Variants in STARD9 observed in about 807,000 individuals in gnomAD.
STARD9 encodes the protein stAR-related lipid transfer protein 9.
STARD9 carries 346 observed loss-of-function variants against 399.8 expected under a neutral mutation model. That is an observed-to-expected ratio of 0.87 (90% CI 0.79 to 0.95). The LOEUF (loss-of-function observed/expected upper bound fraction) is 0.95, where lower values mean the gene tolerates loss of function less well. Among genes scored for constraint, STARD9 ranks in the 40% least tolerant of loss-of-function variants. The probability of loss-of-function intolerance (pLI) is 0.00; values close to 1 mark genes in which losing one functional copy is unlikely to be tolerated. For synonymous variants in STARD9, 2,203 were observed against 2,143.5 expected, an observed-to-expected ratio of 1.03 and a Z score of -0.77; for missense variants, 5,832 against 5,667.5, an observed-to-expected ratio of 1.03 and a Z score of -0.93.
intron 3 of STARD9, among the ~76,000 whole-genome samples, chr15:42,627,303 GA>G (rs968788049): frequency 2.6e-5 from 4 of 151,350 alleles, no homozygotes; most frequent in Admixed American, 1.3e-4. Context: ...TTCAGAAAAA[GA>G]AAAAAAATTA....
chr15:42,660,278 A>G (rs569632707), intron 9 of STARD9, among the ~76,000 whole-genome samples: 6 of 152,164 alleles, frequency 3.9e-5, no homozygotes, highest in Non-Finnish European at 8.8e-5. Flanking sequence ...GATATTAACA[A>G]TTTCTGGTCG....
At chr15:42,666,039 TTC>T (rs1230128303) in intron 15 of STARD9, among the ~76,000 whole-genome samples, 191 bp downstream of exon 15, 1 of 152,194 alleles carries the variant, frequency 6.6e-6, no homozygotes, top group Non-Finnish European at 1.5e-5. Flanking sequence ...CTTTCTGACT[TTC>T]TGTATTGTTC....
intron 3 of STARD9, among the ~76,000 whole-genome samples, chr15:42,594,589 C>T (rs1474577305): frequency 6.6e-6 from 1 of 152,140 alleles, no homozygotes; most frequent in East Asian, 1.9e-4. Context: ...AAGATACTTA[C>T]TTTTTCAGAT....
intron 10 of STARD9, among the ~76,000 whole-genome samples, chr15:42,661,536 C>G (rs906917112): frequency 6.6e-6 from 1 of 152,150 alleles, no homozygotes; most frequent in Admixed American, 6.6e-5. Context: ...CCCTGAACTA[C>G]TGGGCTCAAG....
In STARD9 at chr15:42,652,576, C is replaced by T. The variant is rs370130488; in HGVS notation, c.686C>T (p.Thr229Met). The T allele has an allele frequency of 4.7e-5, 73 of 1,537,468 alleles. No individual in the cohort carries two copies. Among genetic ancestry groups the T allele is most frequent in the African/African-American group, 9.6e-5 (7 of 73,144 alleles). Residue 229 changes from threonine to methionine, a missense_variant, in exon 9 of 33, where the codon ACG (threonine) becomes ATG (methionine). Coordinates refer to ENST00000290607, the MANE Select transcript of STARD9 (RefSeq NM_020759.3). ...EASSRSHAIF[T>M]IHYTQAILEN... ...AGCAGCAGATCCCACGCCATTTTCA[C>T]GATCCACTACACGCAGGTTGGTAAC... is the stretch of plus-strand genomic sequence containing the variant.
Position 42,684,497 on chromosome 15 carries a change from G to C in STARD9, c.2919G>C (p.Gln973His), listed in dbSNP as rs1436992336. ...CAAAGATCTTCACCTCTACTACCCA[G>C]ACCAGAGGGGCGAAGGGACTAGCAG... ...HEPKIFTSTTQTRGAKGLADP... is the reference protein window; with the variant it reads ...HEPKIFTSTTHTRGAKGLADP... Residue 973 changes from glutamine (Q) to histidine (H), a missense_variant, in exon 23 of 33, where the codon CAG becomes CAC. By Grantham distance (24) the Gln-to-His change is conservative. Around this residue, in one of 2 missense-constraint regions of STARD9, gnomAD observed 5,828 missense variants for 5,651.1 expected, o/e 1.03. Transcript: ENST00000290607. 22 of 1,537,146 alleles carry C rather than the reference G, an allele frequency of 1.4e-5. No homozygotes were observed. Among genetic ancestry groups the C allele is most frequent in the Non-Finnish European group, 1.9e-5 (22 of 1,146,864 alleles).
chr15:42,640,425 A>G (rs932053670), intron 7 of STARD9, among the ~76,000 whole-genome samples: 2 of 152,218 alleles, frequency 1.3e-5, no homozygotes, highest in South Asian at 2.1e-4. Context: ...GAACCAGTTT[A>G]AGTTTGCTCT....
Position 42,686,810 on chromosome 15 carries a change from G to C in STARD9, c.5232G>C (p.Leu1744Phe). The C allele has an allele frequency of 6.5e-7, 1 of 1,537,082 alleles. No homozygotes were observed. The highest frequency in any genetic ancestry group is 2.4e-5 in the East Asian group (1 of 40,924). ...PLSSSLQPPL[L>F]ETFYVTKSRD... ...CATCTTCCCTGCAGCCCCCACTCTT[G>C]GAAACATTCTATGTGACCAAAAGCA... is the stretch of plus-strand genomic sequence containing the variant. Residue 1744 changes from leucine (L) to phenylalanine (F), a missense_variant, in exon 23 of 33, where the codon TTG becomes TTC. Coordinates refer to ENST00000290607, the MANE Select transcript of STARD9 (RefSeq NM_020759.3).
At chr15:42,662,683 G>C (rs981298433) in intron 10 of STARD9, 111 bp from the exon 11 acceptor site, 10 of 607,832 alleles carry the variant, frequency 1.6e-5, no homozygotes, top group African/African-American at 1.5e-4. Context: ...AATTTATTAT[G>C]TGAGTCCTTT....
At position 42,665,792 on chromosome 15, in the gene STARD9, T is replaced by C. The variant is rs767011376; in HGVS notation, c.1261T>C (p.Phe421Leu). ...CATCTCTATCTTTGTGCAGAGAAAC[T>C]TCAGTTCATTGAGTGATGAAAACCT... The part of the protein sequence containing the change: ...ALLLSFELRN[F>L]SSLSDENLKE... The change falls in exon 15 of 33, where the codon TTC (phenylalanine) becomes CTC (leucine). Residue 421 changes from phenylalanine (F) to leucine (L), a missense_variant. Physicochemically the swap from Phe to Leu is conservative, Grantham distance 22. Coordinates refer to ENST00000290607, the MANE Select transcript of STARD9 (RefSeq NM_020759.3). The C allele has an allele frequency of 3.4e-5, 52 of 1,537,058 alleles. No individual in the cohort carries two copies. The highest frequency in any genetic ancestry group is 4.4e-5 in the Non-Finnish European group (50 of 1,146,844).
intron 21 of STARD9, 93 bp from the exon 22 acceptor site, chr15:42,682,011 C>A: frequency 1.2e-6 from 1 of 844,914 alleles, no homozygotes; most frequent in Non-Finnish European, 1.8e-6. Flanking sequence ...TCACTCCACA[C>A]AGGTCCAGCC....
Position 42,661,204 on chromosome 15 carries a change from A to G in STARD9, c.749A>G (p.Asn250Ser). 2 of 1,536,808 alleles carry G rather than the reference A, an allele frequency of 1.3e-6. No individual in the cohort carries two copies. Among genetic ancestry groups the G allele is most frequent in the Non-Finnish European group, 8.7e-7 (1 of 1,146,518 alleles). ...CCTTCTGAAATGGCTAGCAAGATCA[A>G]CCTTGTGGACCTAGCAGGCAGGTAA... ...NLPSEMASKI[N>S]LVDLAGSERA... is the part of the protein sequence containing the mutation. The change falls in exon 10 of 33, where the codon AAC (asparagine) becomes AGC (serine). Residue 250 changes from asparagine to serine, a missense_variant. Physicochemically the swap from Asn to Ser is conservative, Grantham distance 46 (BLOSUM62 1). Transcript: ENST00000290607.
chr15:42,699,526 T>C (rs1293836161), intron 26 of STARD9, among the ~76,000 whole-genome samples: 2 of 150,780 alleles, frequency 1.3e-5, no homozygotes, highest in East Asian at 3.9e-4. Context: ...CCTGAGTAGC[T>C]GGGACTACAG....
intron 26 of STARD9, among the ~76,000 whole-genome samples, chr15:42,709,398 G>GA (rs1375037407): frequency 2.0e-4 from 30 of 152,094 alleles, no homozygotes; most frequent in African/African-American, 7.2e-4. Flanking sequence ...AAAAAATCTT[G>GA]GAGACTAGCT....
At chr15:42,584,442 C>T (rs1273890400) in intron 2 of STARD9, among the ~76,000 whole-genome samples, 3 of 152,208 alleles carry the variant, frequency 2.0e-5, no homozygotes, top group African/African-American at 7.2e-5. Context: ...AAGAATAAGT[C>T]TCAGCCAAGA....
chr15:42,657,796 A>G (rs1173559438), intron 9 of STARD9, among the ~76,000 whole-genome samples: 1 of 152,270 alleles, frequency 6.6e-6, no homozygotes, highest in East Asian at 1.9e-4. Flanking sequence ...TTACTGGAAT[A>G]GAATAGAGTC....
Position 42,694,508 on chromosome 15 carries a change from C to T in STARD9, c.12765-20C>T, listed in dbSNP as rs908393381. ...GAAGGACATTCAGGGCCAGCTTCAG[C>T]GAATCGTGTTTTGCCTCAGGCAAAA... On this transcript the variant is annotated intron_variant, in intron 23 of 32. Transcript: ENST00000290607. 2.7e-5 allele frequency: 42 copies of T among 1,536,334 alleles called. No individual in the cohort carries two copies. The East Asian group carries it at 7.6e-4, about 28-fold the overall frequency.
chr15:42,638,762 C>G lies in STARD9; in HGVS notation c.509C>G (p.Ser170Cys), dbSNP rs999781367. ...TTGAAGCAATCTGGTCAAAAAAAGT[C>G]CTATACCCTGCGGGTCAGGGAGCAT... The part of the protein sequence containing the change: ...DLLKQSGQKK[S>C]YTLRVREHPE... The change falls in exon 7 of 33, where the codon TCC becomes TGC. Residue 170 changes from serine to cysteine, a missense_variant. Physicochemically the swap from Ser to Cys is moderately radical, Grantham distance 112. Transcript: ENST00000290607. The G allele has an allele frequency of 5.2e-5, 80 of 1,536,566 alleles. No homozygotes were observed. The highest frequency in any genetic ancestry group is 7.9e-5 in the Admixed American group (4 of 50,952).
At chr15:42,590,688 T>G (rs963282266) in intron 3 of STARD9, among the ~76,000 whole-genome samples, 6 of 152,242 alleles carry the variant, frequency 3.9e-5, no homozygotes, top group African/African-American at 1.4e-4. Flanking sequence ...TGTGCCAGTA[T>G]CTGCTGTTGC....
Sources: gnomAD v4.1 joint callset for allele counts (sites outside exome capture counted in the v4.1 genomes callset) on GRCh38, gnomAD v4.1.1 for gene constraint, gnomAD v4.1.1 regional missense constraint, MANE v1.5 for transcripts, NCBI Gene and HGNC (gene_info 2026-07-23, HGNC 2026-07-21) for gene names.